Variants in ZNRF2 observed in about 807,000 individuals in gnomAD.
ZNRF2 encodes the protein zinc and ring finger 2.
Under a neutral mutation model 20.4 loss-of-function variants are expected in ZNRF2, and 16 were observed. The observed-to-expected ratio is 0.79, with a 90% confidence interval of 0.53 to 1.19. The LOEUF (loss-of-function observed/expected upper bound fraction) is 1.19. Ranked by LOEUF, ZNRF2 falls within the 50% of genes most tolerant of loss-of-function variation. The probability of loss-of-function intolerance (pLI) is 0.00; values close to 1 mark genes in which losing one functional copy is unlikely to be tolerated. For synonymous variants in ZNRF2, 178 were observed against 144.9 expected (o/e 1.23, Z -1.64); for missense variants, 363 against 332.4 (o/e 1.09, Z -0.72).
At chr7:30,349,152 C>T (rs558804355) in intron 2 of ZNRF2, among the ~76,000 whole-genome samples, 13 of 152,216 alleles carry the variant, frequency 8.5e-5, no homozygotes, top group African/African-American at 3.1e-4. Context: ...CACATTTTCA[C>T]ATTCATTAGA....
chr7:30,316,913 T>G (rs1799384538), intron 1 of ZNRF2, among the ~76,000 whole-genome samples: 1 of 152,250 alleles, frequency 6.6e-6, no homozygotes. Flanking sequence ...GTTCATCTTT[T>G]CAGTTTAGAC....
At chr7:30,353,603 G>A (rs1047540782) in intron 2 of ZNRF2, among the ~76,000 whole-genome samples, 1 of 152,060 alleles carries the variant, frequency 6.6e-6, no homozygotes, top group Non-Finnish European at 1.5e-5. Flanking sequence ...GGTTGGATTT[G>A]TCTTTGTTGT....
chr7:30,309,443 TAA>T (rs758003573), intron 1 of ZNRF2, among the ~76,000 whole-genome samples: 59 of 152,172 alleles, frequency 3.9e-4, no homozygotes, highest in Admixed American at 2.1e-3. Context: ...AGTAGACAGC[TAA>T]AAGACACCCT....
chr7:30,357,299 C>T (rs914083349), intron 3 of ZNRF2, among the ~76,000 whole-genome samples: 7 of 152,072 alleles, frequency 4.6e-5, no homozygotes, highest in African/African-American at 1.7e-4. Flanking sequence ...GAATTGGTAC[C>T]ATATAGGATG....
Position 30,285,241 on chromosome 7 carries a change from G to T in ZNRF2, c.-117G>T. 1.3e-6 allele frequency: 1 copy of T among 777,376 alleles called. No individual in the cohort carries two copies. Among genetic ancestry groups the T allele is most frequent in the Non-Finnish European group, 1.7e-6 (1 of 601,714 alleles). The allele number at this position is 777,376 out of a possible 1,614,324, so 48.2% of individuals were successfully genotyped here. On this transcript the variant is annotated 5_prime_UTR_variant, in exon 1 of 5. Coordinates refer to ENST00000323037, the MANE Select transcript of ZNRF2 (RefSeq NM_147128.4). Reference sequence around the variant, plus strand: ...CGCCGGGCGGCGGCCCTGGACGTGCGGGGGCCTCTCTGGGCCGGCCGCGGC... The same window carrying T: ...CGCCGGGCGGCGGCCCTGGACGTGCTGGGGCCTCTCTGGGCCGGCCGCGGC...
intron 4 of ZNRF2, among the ~76,000 whole-genome samples, chr7:30,365,172 T>TTTTG (rs1376254076): frequency 4.3e-5 from 5 of 115,008 alleles, no homozygotes; most frequent in African/African-American, 2.1e-4. Context: ...TTTTTTTTTT[T>TTTTG]GGTGAGGTGG....
rs4000227 is a variant in ZNRF2 at position 30,298,621 on chromosome 7, A to C, written c.469+12795A>C. On this transcript the variant is annotated intron_variant, in intron 1 of 4. Transcript: ENST00000323037. ...CAAAATGATACTTTCATTTAATCTCAATATTTAGTATCAATACAGGACCTC... is the reference window on the plus strand; with the variant it reads ...CAAAATGATACTTTCATTTAATCTCCATATTTAGTATCAATACAGGACCTC... Among the ~76,000 whole-genome samples the C allele has an allele frequency of 8.5e-5, 13 of 152,178 alleles. No homozygotes were observed. The South Asian group carries it at 2.1e-3, about 24-fold the overall frequency.
At chr7:30,326,858 G>T (rs1339781660) in intron 2 of ZNRF2, among the ~76,000 whole-genome samples, 1 of 151,840 alleles carries the variant, frequency 6.6e-6, no homozygotes, top group Non-Finnish European at 1.5e-5. Context: ...TCTCCTTGTG[G>T]TTTTGATTTG....
chr7:30,292,321 T>A (rs1450905071), intron 1 of ZNRF2, among the ~76,000 whole-genome samples: 1 of 152,208 alleles, frequency 6.6e-6, no homozygotes, highest in Non-Finnish European at 1.5e-5. Flanking sequence ...TTCCACCAGT[T>A]TCTAACATCA....
intron 2 of ZNRF2, among the ~76,000 whole-genome samples, chr7:30,345,196 T>A (rs1275775817): frequency 6.8e-6 from 1 of 146,252 alleles, no homozygotes; most frequent in Non-Finnish European, 1.5e-5. Context: ...TCTCGTTCTC[T>A]GTAGAGAACA....
chr7:30,354,202 A>G (rs1420315442), intron 2 of ZNRF2, among the ~76,000 whole-genome samples: 2 of 152,104 alleles, frequency 1.3e-5, no homozygotes, highest in African/African-American at 2.4e-5. Context: ...GGAAGTGGTA[A>G]TAACATTTTC....
intron 2 of ZNRF2, among the ~76,000 whole-genome samples, chr7:30,343,384 C>CA (rs1399465782): frequency 7.2e-5 from 11 of 151,762 alleles, no homozygotes; most frequent in South Asian, 2.1e-4. Flanking sequence ...GACCCTGTTT[C>CA]AAAAAAAGGT....
intron 1 of ZNRF2, 134 bp downstream of exon 1, chr7:30,285,960 C>T: frequency 7.6e-7 from 1 of 1,318,862 alleles, no homozygotes; most frequent in Non-Finnish European, 9.7e-7. Context: ...GACCAGCCCG[C>T]GTCGGTCTCC....
intron 1 of ZNRF2, among the ~76,000 whole-genome samples, chr7:30,322,968 G>C (rs190374111): frequency 1.9e-4 from 29 of 152,304 alleles, no homozygotes; most frequent in Non-Finnish European, 3.8e-4. Context: ...CAAATACTTA[G>C]TAGTGCAGAT....
chr7:30,287,099 T>C (rs1417457244), intron 1 of ZNRF2, among the ~76,000 whole-genome samples: 3 of 152,254 alleles, frequency 2.0e-5, no homozygotes, highest in Non-Finnish European at 4.4e-5. Flanking sequence ...AAAGTAATTT[T>C]TGCTTCTTAA....
chr7:30,332,258 A>G (rs528801969), intron 2 of ZNRF2, among the ~76,000 whole-genome samples: 3 of 152,320 alleles, frequency 2.0e-5, no homozygotes, highest in Non-Finnish European at 4.4e-5. Context: ...AGTTCTTCAC[A>G]GAAGAACTTC....
Position 30,355,851 on chromosome 7 carries a change from G to A in ZNRF2, c.671+18G>A. The A allele has an allele frequency of 1.3e-6, 2 of 1,578,176 alleles. No homozygotes were observed. Among genetic ancestry groups the A allele is most frequent in the Non-Finnish European group, 1.7e-6 (2 of 1,149,570 alleles). On this transcript the variant is annotated intron_variant, in intron 3 of 4. Coordinates refer to ENST00000323037, the MANE Select transcript of ZNRF2 (RefSeq NM_147128.4). ...CATAAAGGGTAAGTTCACCAAGTTG[G>A]TATTAGAGTAAAAGATTGTTCTCAC...
intron 1 of ZNRF2, among the ~76,000 whole-genome samples, chr7:30,295,419 C>G (rs564321292): frequency 2.6e-5 from 4 of 152,306 alleles, no homozygotes; most frequent in African/African-American, 7.2e-5. Flanking sequence ...TTTCTCATCT[C>G]TAGAATCAGG....
rs1239381979 is a variant in ZNRF2 at position 30,284,724 on chromosome 7, C to A, written c.-634C>A. 5.5e-6 allele frequency: 1 copy of A among 180,222 alleles called. No individual in the cohort carries two copies. The highest frequency in any genetic ancestry group is 2.4e-5 in the African/African-American group (1 of 41,562). 11.2% of individuals were successfully genotyped at this position (180,222 alleles called of 1,614,324 possible). A position where few individuals can be genotyped will look rare whatever the true frequency, so the allele number is the denominator to read the frequency against. ...CCCAGATCCTCCCGCCAGCCCGGCC[C>A]CTCCTTCGCAGGGGGAGCGAGGCGA... On this transcript the variant is annotated 5_prime_UTR_variant, in exon 1 of 5. Coordinates refer to ENST00000323037, the MANE Select transcript of ZNRF2 (RefSeq NM_147128.4).
Sources: gnomAD v4.1 joint callset for allele counts (sites outside exome capture counted in the v4.1 genomes callset) on GRCh38, gnomAD v4.1.1 for gene constraint, MANE v1.5 for transcripts, NCBI Gene and HGNC (gene_info 2026-07-23, HGNC 2026-07-21) for gene names.